The following CHST3 variants were observed in gnomAD, a reference collection of about 807,000 sequenced individuals.
CHST3 encodes C6ST-1.
CHST3 carries 20 observed loss-of-function variants against 35.4 expected under a neutral mutation model. That is an observed-to-expected ratio of 0.57 (90% CI 0.40 to 0.82). The LOEUF (loss-of-function observed/expected upper bound fraction) is 0.82. Ranked by LOEUF, CHST3 falls within the 40% of genes least tolerant of loss-of-function variation. The probability of loss-of-function intolerance (pLI) is 0.00; values close to 1 mark genes in which losing one functional copy is unlikely to be tolerated. For synonymous variants in CHST3, 334 were observed against 295.9 expected, an observed-to-expected ratio of 1.13 and a Z score of -1.32; for missense variants, 693 against 670.1, an observed-to-expected ratio of 1.03 and a Z score of -0.38.
intron 1 of CHST3, among the ~76,000 whole-genome samples, chr10:71,975,644 CA>C (rs1839737859): frequency 6.6e-6 from 1 of 152,244 alleles, no homozygotes; most frequent in African/African-American, 2.4e-5. Flanking sequence ...CACGGGGGCT[CA>C]GGGGGCGCCT....
chr10:72,012,546 C>G lies in CHST3; in HGVS notation c.*4075C>G, dbSNP rs1259930466. The stretch of plus-strand genomic sequence containing the variant: ...TGGATGGCTGTGTCCTCAAGGCAGT[C>G]CCCTCCCATCCCCATTCCCAAAGTC... On this transcript the variant is annotated 3_prime_UTR_variant, in exon 3 of 3. Coordinates refer to ENST00000373115, the MANE Select transcript of CHST3 (RefSeq NM_004273.5). 6.6e-6 allele frequency: 1 copy of G among 152,392 alleles called. No homozygotes were observed. The highest frequency in any genetic ancestry group is 1.5e-5 in the Non-Finnish European group (1 of 68,212). 9.4% of individuals were successfully genotyped at this position (152,392 alleles called of 1,614,324 possible).
intron 1 of CHST3, among the ~76,000 whole-genome samples, chr10:71,996,209 A>G (rs1180973441): frequency 2.6e-5 from 4 of 152,226 alleles, no homozygotes. Flanking sequence ...GGACAAAGGT[A>G]TACAATAGTT....
At chr10:71,991,352 G>C (rs776764567) in intron 1 of CHST3, among the ~76,000 whole-genome samples, 3 of 152,136 alleles carry the variant, frequency 2.0e-5, no homozygotes, top group Non-Finnish European at 4.4e-5. Context: ...GTAGACTGTC[G>C]TTCTGCCCTG....
intron 1 of CHST3, 50 bp from the exon 2 acceptor site, chr10:72,005,686 G>A (rs535609516): frequency 2.3e-6 from 2 of 867,106 alleles, no homozygotes; most frequent in East Asian, 2.6e-5. Context: ...GACATCCTCT[G>A]CATTCCTCGT....
chr10:72,006,264 C>T (rs1024589934), intron 2 of CHST3, among the ~76,000 whole-genome samples: 1 of 152,196 alleles, frequency 6.6e-6, no homozygotes, highest in Non-Finnish European at 1.5e-5. Flanking sequence ...TCTGAGTCTT[C>T]GGTTCCTCTT....
At position 72,008,624 on chromosome 10, in the gene CHST3, C is replaced by T. The variant is rs552909946; in HGVS notation, c.*153C>T. On this transcript the variant is annotated 3_prime_UTR_variant, in exon 3 of 3. Coordinates refer to ENST00000373115, the MANE Select transcript of CHST3 (RefSeq NM_004273.5). ...CCAGCGCTCCAGCCAAAGCGGCGGC[C>T]CCAGGGTTAATTGCGGAGAACAGGA... 12 of 1,409,242 alleles carry T rather than the reference C, an allele frequency of 8.5e-6. No individual in the cohort carries two copies. Among genetic ancestry groups the T allele is most frequent in the Non-Finnish European group, 1.1e-5 (12 of 1,077,898 alleles). The allele number at this position is 1,409,242 out of a possible 1,614,324, so 87.3% of individuals were successfully genotyped here. A position where few individuals can be genotyped will look rare whatever the true frequency, so the allele number is the denominator to read the frequency against.
At chr10:71,968,107 C>T (rs1839650136) in intron 1 of CHST3, among the ~76,000 whole-genome samples, 1 of 152,084 alleles carries the variant, frequency 6.6e-6, no homozygotes, top group African/African-American at 2.4e-5. Flanking sequence ...TGAGCCGCCT[C>T]GCTTGGCCAG....
chr10:72,010,823 G>C lies in CHST3; in HGVS notation c.*2352G>C, dbSNP rs544408735. The C allele has an allele frequency of 6.6e-6, 1 of 152,102 alleles. No individual in the cohort carries two copies. The highest frequency in any genetic ancestry group is 1.5e-5 in the Non-Finnish European group (1 of 68,108). The allele number at this position is 152,102 out of a possible 1,614,324, so 9.4% of individuals were successfully genotyped here. A position where few individuals can be genotyped will look rare whatever the true frequency, so the allele number is the denominator to read the frequency against. On this transcript the variant is annotated 3_prime_UTR_variant, in exon 3 of 3. Coordinates refer to ENST00000373115, the MANE Select transcript of CHST3 (RefSeq NM_004273.5). ...CTGTTCCCCATGTGGAGGTCGGAGG[G>C]GCTGGGACTGGGGAGGGGGCAGCCA...
intron 1 of CHST3, among the ~76,000 whole-genome samples, chr10:71,965,804 A>G (rs1224829444): frequency 6.6e-6 from 1 of 152,098 alleles, no homozygotes; most frequent in African/African-American, 2.4e-5. Context: ...CCAGCAGAGA[A>G]GGGGGCCTGA....
chr10:71,993,195 G>A (rs1281118743), intron 1 of CHST3, among the ~76,000 whole-genome samples: 21 of 152,162 alleles, frequency 1.4e-4, no homozygotes, highest in Non-Finnish European at 1.5e-5. Context: ...TAAAAGACTG[G>A]ACACCCTGCT....
intron 1 of CHST3, among the ~76,000 whole-genome samples, chr10:72,002,702 G>A (rs1021875588): frequency 6.6e-6 from 1 of 152,180 alleles, no homozygotes; most frequent in Non-Finnish European, 1.5e-5. Flanking sequence ...TCAACACCTC[G>A]TACTCTGAAA....
intron 1 of CHST3, among the ~76,000 whole-genome samples, chr10:71,966,909 G>A (rs200188097): frequency 6.6e-6 from 1 of 152,186 alleles, no homozygotes; most frequent in South Asian, 2.1e-4. Context: ...TCAGAGGTAC[G>A]TATACAGGTT....
At chr10:71,965,893 G>A in intron 1 of CHST3, among the ~76,000 whole-genome samples, 1 of 152,138 alleles carries the variant, frequency 6.6e-6, no homozygotes, top group African/African-American at 2.4e-5. Flanking sequence ...CCGTGGGCTG[G>A]CCTTGGGAGA....
chr10:71,979,241 C>A (rs960297190), intron 1 of CHST3, among the ~76,000 whole-genome samples: 1 of 152,142 alleles, frequency 6.6e-6, no homozygotes, highest in East Asian at 1.9e-4. Context: ...GGTCGCTCAG[C>A]GTGTCTGGAC....
chr10:72,007,769 C>T lies in CHST3; in HGVS notation c.738C>T (p.His246=), dbSNP rs758043795. 2 of 1,601,366 alleles carry T rather than the reference C, an allele frequency of 1.2e-6. No individual in the cohort carries two copies. The highest frequency in any genetic ancestry group is 1.1e-5 in the South Asian group (1 of 91,024). The change falls in exon 3 of 3, where the codon CAC becomes CAT. Residue 246 remains histidine, a synonymous_variant. Transcript: ENST00000373115. The stretch of plus-strand genomic sequence containing the variant: ...TCAAGAAGGTCTTCGAGAAGTACCA[C>T]TGCAAGAACCGCCGCTGCGGCCCCC... The part of the protein sequence containing the change: ...PFVKKVFEKY[H]CKNRRCGPLN...
At chr10:71,983,604 C>T (rs535666165) in intron 1 of CHST3, among the ~76,000 whole-genome samples, 2 of 152,218 alleles carry the variant, frequency 1.3e-5, no homozygotes, top group Non-Finnish European at 2.9e-5. Flanking sequence ...GCACATGCCA[C>T]GATGCCTGGC....
chr10:71,976,304 T>G (rs774956604), intron 1 of CHST3, among the ~76,000 whole-genome samples: 2 of 152,186 alleles, frequency 1.3e-5, no homozygotes, highest in Admixed American at 1.3e-4. Flanking sequence ...TTACCCAGCA[T>G]GCAGCACATT....
chr10:71,970,289 G>T (rs1389932525), intron 1 of CHST3, among the ~76,000 whole-genome samples: 2 of 152,172 alleles, frequency 1.3e-5, no homozygotes, highest in East Asian at 3.9e-4. Flanking sequence ...GCTGTGTGCT[G>T]AGGGACTGTG....
chr10:71,973,067 A>G (rs1564524349), intron 1 of CHST3, among the ~76,000 whole-genome samples: 1 of 152,246 alleles, frequency 6.6e-6, no homozygotes, highest in Non-Finnish European at 1.5e-5. Context: ...GATGTGGCAC[A>G]GAGCCCTCAG....
Sources: allele counts gnomAD v4.1 joint callset (sites outside exome capture counted in the v4.1 genomes callset), GRCh38; gene constraint gnomAD v4.1.1; transcripts MANE v1.5; gene names NCBI Gene and HGNC (gene_info 2026-07-23, HGNC 2026-07-21).